Variants in PEAR1 observed in about 807,000 individuals in gnomAD.
The protein encoded by PEAR1 is multiple EGF-like domains protein 12.
A neutral mutation model predicts 131.2 loss-of-function variants in PEAR1; 113 were observed. That is an observed-to-expected ratio of 0.86 (90% CI 0.74 to 1.01). The LOEUF (loss-of-function observed/expected upper bound fraction) is 1.01, where lower values mean the gene tolerates loss of function less well. PEAR1 is among the 50% of genes least tolerant of loss of function. The probability of loss-of-function intolerance (pLI) is 0.00; values close to 1 mark genes in which losing one functional copy is unlikely to be tolerated. For synonymous variants in PEAR1, 565 were observed against 523.3 expected, an observed-to-expected ratio of 1.08 and a Z score of -1.09; for missense variants, 1,408 against 1,391.1, an observed-to-expected ratio of 1.01 and a Z score of -0.19.
chr1:156,908,079 G>A lies in PEAR1; in HGVS notation c.902+28G>A. 1 of 1,572,240 alleles carries A rather than the reference G, an allele frequency of 6.4e-7. No individual in the cohort carries two copies. Among genetic ancestry groups the A allele is most frequent in the Non-Finnish European group, 8.6e-7 (1 of 1,158,624 alleles). ...GAGTGGCGTGGGGCGGGCGGGAGAC[G>A]GGAGGGAGGAGGTGGGGCGCCGCCA... On this transcript the variant is annotated intron_variant, in intron 8 of 22. Transcript: ENST00000292357. This position sits in a 1 kb window ranked among gnomAD's most constrained non-coding sequence, Gnocchi z 4.2.
At position 156,906,337 on chromosome 1, in the gene PEAR1, G is replaced by C; in HGVS notation, c.369G>C (p.Val123=). 6.2e-7 allele frequency: 1 copy of C among 1,614,222 alleles called. No homozygotes were observed. The highest frequency in any genetic ancestry group is 1.1e-5 in the South Asian group (1 of 91,084). ...RCVAPNQCQC[V]PGWRGDDCSS... The stretch of plus-strand genomic sequence containing the variant: ...TGGCACCCAATCAGTGCCAATGTGT[G>C]CCAGGCTGGCGGGGCGACGACTGTT... The change falls in exon 5 of 23, where the codon GTG becomes GTC. Residue 123 remains valine (V), a synonymous_variant. Coordinates refer to ENST00000292357, the MANE Select transcript of PEAR1 (RefSeq NM_001080471.3).
intron 22 of PEAR1, 134 bp downstream of exon 22, chr1:156,914,234 T>C: frequency 2.2e-6 from 3 of 1,385,554 alleles, no homozygotes; most frequent in Non-Finnish European, 2.9e-6. Context: ...AGCTTCGGGC[T>C]CAAATCAGGC....
chr1:156,898,260 C>G (rs1649354079), intron 1 of PEAR1, among the ~76,000 whole-genome samples: 1 of 152,148 alleles, frequency 6.6e-6, no homozygotes, highest in Admixed American at 6.5e-5. Flanking sequence ...GAATCAGGAT[C>G]CCTGCAGCTG....
At position 156,908,355 on chromosome 1, in the gene PEAR1, A is replaced by G. The variant is rs1296067493; in HGVS notation, c.1115+15A>G. 6.7e-7 allele frequency: 1 copy of G among 1,494,846 alleles called. No individual in the cohort carries two copies. The highest frequency in any genetic ancestry group is 1.3e-5 in the South Asian group (1 of 77,122). The allele number at this position is 1,494,846 out of a possible 1,614,324, so 92.6% of individuals were successfully genotyped here. A position where few individuals can be genotyped will look rare whatever the true frequency, so the allele number is the denominator to read the frequency against. Reference sequence around the variant, plus strand: ...CACAGCCTCAGGTGGGCCGCGGGACATGTGGTCAAAGGATCAGGAGGCCAA... The same window carrying G: ...CACAGCCTCAGGTGGGCCGCGGGACGTGTGGTCAAAGGATCAGGAGGCCAA... On this transcript the variant is annotated intron_variant, in intron 9 of 22. Transcript: ENST00000292357. This position sits in a 1 kb window ranked among gnomAD's most constrained non-coding sequence, Gnocchi z 4.2.
At chr1:156,905,451 G>C (rs78814277) in intron 4 of PEAR1, 27 bp downstream of exon 4, 4 of 1,569,104 alleles carry the variant, frequency 2.5e-6, no homozygotes, top group Non-Finnish European at 3.5e-6. Flanking sequence ...GTTAGGGAGC[G>C]GGGTGGGGCA....
At chr1:156,904,570 A>G (rs1650020706) in intron 2 of PEAR1, among the ~76,000 whole-genome samples, 178 bp from the exon 3 acceptor site, 1 of 152,162 alleles carries the variant, frequency 6.6e-6, no homozygotes, top group African/African-American at 2.4e-5. Context: ...CAGTTCTGGG[A>G]GAAGCCTCCA....
At chr1:156,911,042 T>TTTCC (rs1651021964) in intron 15 of PEAR1, among the ~76,000 whole-genome samples, 2 of 66,388 alleles carry the variant, frequency 3.0e-5, no homozygotes, top group African/African-American at 1.6e-4. Flanking sequence ...TTTCTTTTTC[T>TTTCC]TTCTTTCTTT....
rs150756495 is a variant in PEAR1, at chr1:156,906,751, C to A, written c.515C>A (p.Pro172Gln). 2.0e-5 allele frequency: 33 copies of A among 1,614,230 alleles called. No homozygotes were observed. In the African/African-American group the frequency reaches 3.5e-4, roughly 17 times the overall value. Reference protein sequence around the residue: ...VCSCPSGLQPPNCLQPCTPGY... With the variant: ...VCSCPSGLQPQNCLQPCTPGY... ...TCTTGCCCTTCTGGTCTGCAGCCCC[C>A]GAACTGCCTTCAGCCCTGTACCCCT... Residue 172 changes from proline (P) to glutamine (Q), a missense_variant, in exon 6 of 23, where the codon CCG (proline) becomes CAG (glutamine). By Grantham distance (76) the Pro-to-Gln change is moderately conservative (BLOSUM62 -1). Transcript: ENST00000292357.
At chr1:156,899,035 A>G (rs1471146227) in intron 1 of PEAR1, among the ~76,000 whole-genome samples, 1 of 152,192 alleles carries the variant, frequency 6.6e-6, no homozygotes, top group African/African-American at 2.4e-5. Flanking sequence ...ACATCCACGG[A>G]GCAGGCTCTA....
chr1:156,912,659 C>G (rs552129461), intron 17 of PEAR1, 37 bp downstream of exon 17: 68 of 1,609,646 alleles, frequency 4.2e-5, no homozygotes, highest in African/African-American at 5.3e-5. Context: ...CCCATTGTCC[C>G]CAGGGAACTG....
At chr1:156,909,069 T>C (rs771269664) in intron 11 of PEAR1, 33 bp downstream of exon 11, 1 of 1,612,516 alleles carries the variant, frequency 6.2e-7, no homozygotes, top group South Asian at 1.1e-5. Context: ...AGAGAAGACT[T>C]GGGGGATGGC....
At chr1:156,896,901 G>C (rs948823047) in intron 1 of PEAR1, among the ~76,000 whole-genome samples, 1 of 152,204 alleles carries the variant, frequency 6.6e-6, no homozygotes, top group Non-Finnish European at 1.5e-5. Flanking sequence ...GCTTTGTAAC[G>C]TTGAAAAGTT....
rs1208731617 is a variant in PEAR1 at position 156,902,500 on chromosome 1, G to A, written c.-9-1418G>A. 2.0e-5 allele frequency among the ~76,000 whole-genome samples: 3 copies of A among 152,030 alleles called. No individual in the cohort carries two copies. Among genetic ancestry groups the A allele is most frequent in the African/African-American group, 4.8e-5 (2 of 41,382 alleles). ...TTAAAGGTGAAGGAGGAACATGGGC[G>A]GCTGAGATGGGGTTAATTTAGGAGC... On this transcript the variant is annotated intron_variant, in intron 1 of 22. Coordinates refer to ENST00000292357, the MANE Select transcript of PEAR1 (RefSeq NM_001080471.3). The surrounding 1 kb of genome is among the most constrained non-coding windows in gnomAD (Gnocchi z 4.3).
Position 156,913,295 on chromosome 1 carries a change from G to C in PEAR1, c.2511+13G>C. On this transcript the variant is annotated intron_variant, in intron 19 of 22. Coordinates refer to ENST00000292357, the MANE Select transcript of PEAR1 (RefSeq NM_001080471.3). ...ACCCCCTAACAAGGTCAGTGCCGGG[G>C]GAGGGGGTGCACTGTGGAGGGAAGC... 6.2e-7 allele frequency: 1 copy of C among 1,602,044 alleles called. No individual in the cohort carries two copies. The highest frequency in any genetic ancestry group is 8.5e-7 in the Non-Finnish European group (1 of 1,173,680).
At position 156,914,047 on chromosome 1, in the gene PEAR1, C is replaced by G. The variant is rs769354316; in HGVS notation, c.2909C>G (p.Pro970Arg). 8 of 1,608,924 alleles carry G rather than the reference C, an allele frequency of 5.0e-6. No individual in the cohort carries two copies. Among genetic ancestry groups the G allele is most frequent in the Non-Finnish European group, 6.8e-6 (8 of 1,177,696 alleles). ...QFWDSQRRRQ[P>R]QPQRDSGTYE... ...TGGGACAGCCAGAGGCGGCGGCAAC[C>G]CCAGCCACAGAGAGACAGTGGCACC... Residue 970 changes from proline (P) to arginine (R), a missense_variant, in exon 22 of 23, where the codon CCC (proline) becomes CGC (arginine). Transcript: ENST00000292357.
intron 4 of PEAR1, 144 bp from the exon 5 acceptor site, chr1:156,906,132 C>G: frequency 1.5e-6 from 1 of 666,896 alleles, no homozygotes; most frequent in Non-Finnish European, 2.6e-6. Flanking sequence ...GTTGCTGCCC[C>G]TCAGTCTTTA....
chr1:156,914,627 T>C lies in PEAR1; in HGVS notation c.2963-20T>C, dbSNP rs1389783054. Reference sequence around the variant, plus strand: ...TGGTGGGAGGAGCCACTCCCTCTTATCTTGTCCTCATGTTTCCAGACCGAG... The same window carrying C: ...TGGTGGGAGGAGCCACTCCCTCTTACCTTGTCCTCATGTTTCCAGACCGAG... On this transcript the variant is annotated intron_variant, in intron 22 of 22. Coordinates refer to ENST00000292357, the MANE Select transcript of PEAR1 (RefSeq NM_001080471.3). 2 of 1,604,840 alleles carry C rather than the reference T, an allele frequency of 1.2e-6. No homozygotes were observed. The highest frequency in any genetic ancestry group is 1.7e-5 in the Admixed American group (1 of 59,394).
chr1:156,903,550 G>C (rs1215659735), intron 1 of PEAR1, among the ~76,000 whole-genome samples: 1 of 152,176 alleles, frequency 6.6e-6, no homozygotes, highest in Non-Finnish European at 1.5e-5. Context: ...GCAGGCACTG[G>C]AACAGTGGGG....
intron 1 of PEAR1, among the ~76,000 whole-genome samples, chr1:156,898,650 G>C (rs1010165110): frequency 3.3e-5 from 5 of 152,166 alleles, no homozygotes; most frequent in African/African-American, 1.2e-4. Flanking sequence ...GGCAAAGATA[G>C]GTTAGAAAAG....
Sources: gnomAD v4.1 joint callset for allele counts (sites outside exome capture counted in the v4.1 genomes callset) on GRCh38, gnomAD v4.1.1 for gene constraint, Gnocchi (gnomAD v3.1) non-coding constraint, MANE v1.5 for transcripts, NCBI Gene and HGNC (gene_info 2026-07-23, HGNC 2026-07-21) for gene names.